Variants in LRP2 observed in about 807,000 individuals in gnomAD.
The protein encoded by LRP2 is low-density lipoprotein receptor-related protein 2.
Under a neutral mutation model 531.0 loss-of-function variants are expected in LRP2, and 172 were observed. The observed-to-expected ratio is 0.32, with a 90% CI of 0.29 to 0.37. The LOEUF (loss-of-function observed/expected upper bound fraction) is 0.37. LRP2 is among the 10% of genes least tolerant of loss of function. The pLI, the probability that LRP2 is intolerant of heterozygous loss-of-function variation, is 1.00. For synonymous variants in LRP2, 1,992 were observed against 2,027.6 expected, an observed-to-expected ratio of 0.98 and a Z score of 0.47; for missense variants, 5,167 against 5,868.3, an observed-to-expected ratio of 0.88 and a Z score of 3.90.
intron 16 of LRP2, among the ~76,000 whole-genome samples, chr2:169,268,327 T>G (rs988289526): frequency 3.9e-5 from 6 of 151,964 alleles, no homozygotes; most frequent in South Asian, 4.1e-4. Flanking sequence ...TAGACCAATA[T>G]CCCTGATGAA....
intron 1 of LRP2, among the ~76,000 whole-genome samples, chr2:169,346,435 A>G (rs1202163829): frequency 3.3e-5 from 5 of 152,254 alleles, no homozygotes. Context: ...CCTTGAAAAA[A>G]AAATGCAGAA....
Position 169,220,483 on chromosome 2 carries a change from T to A in LRP2, c.5619A>T (p.Pro1873=). The A allele has an allele frequency of 6.2e-7, 1 of 1,613,650 alleles. No individual in the cohort carries two copies. The highest frequency in any genetic ancestry group is 8.5e-7 in the Non-Finnish European group (1 of 1,179,672). ...NDGTALGVGF[P]IGITVDPARG... is the part of the protein sequence containing the mutation. ...GAGCAGGATCAACAGTTATGCCAAT[T>A]GGAAAGCCAACTCCAAGAGCTGTCC... The change falls in exon 34 of 79, where the codon CCA becomes CCT. Residue 1873 remains proline (P), a synonymous_variant. Transcript: ENST00000649046.
intron 67 of LRP2, among the ~76,000 whole-genome samples, chr2:169,152,577 C>T (rs1686183558): frequency 6.6e-6 from 1 of 152,066 alleles, no homozygotes; most frequent in Non-Finnish European, 1.5e-5. Context: ...CAATTTTTTT[C>T]ATGGCCCACA....
chr2:169,206,694 G>T lies in LRP2; in HGVS notation c.7026C>A (p.Asn2342Lys), dbSNP rs1688401561. The change falls in exon 39 of 79, where the codon AAC becomes AAA. Residue 2342 changes from asparagine to lysine, a missense_variant. By Grantham distance (94) the Asn-to-Lys change is moderately conservative. Coordinates refer to ENST00000649046, the MANE Select transcript of LRP2 (RefSeq NM_004525.3). The part of the protein sequence containing the change: ...QVQPRSPAEV[N>K]NNPCLENNGG... ...CATTGTTTTCCAAGCAAGGGTTGTT[G>T]TTGACCTCTGCTGGTGACCGGGGCT... The T allele has an allele frequency of 1.9e-6, 3 of 1,614,166 alleles. No homozygotes were observed. The highest frequency in any genetic ancestry group is 1.1e-5 in the South Asian group (1 of 91,078).
rs1240276466 is a variant in LRP2, at chr2:169,212,173, G to A, written c.6075C>T (p.Asn2025=). 6 of 1,614,040 alleles carry A rather than the reference G, an allele frequency of 3.7e-6. No homozygotes were observed. Among genetic ancestry groups the A allele is most frequent in the Non-Finnish European group, 5.1e-6 (6 of 1,179,936 alleles). ...GGCAAATCTGCTGACAGGCATTCAT[G>A]TTGTTGCTACAGCCATTTGAGGATT... The part of the protein sequence containing the change: ...AAESSNGCSN[N]MNACQQICLP... Residue 2025 remains asparagine, a synonymous_variant, in exon 37 of 79, where the codon AAC becomes AAT. Transcript: ENST00000649046.
intron 71 of LRP2, among the ~76,000 whole-genome samples, chr2:169,141,284 C>G (rs1408037941): frequency 2.0e-5 from 3 of 152,214 alleles, no homozygotes; most frequent in Non-Finnish European, 4.4e-5. Context: ...TGAACACTAT[C>G]TAAAGGACAA....
At position 169,191,859 on chromosome 2, in the gene LRP2, T is replaced by C; in HGVS notation, c.9005A>G (p.Tyr3002Cys). Residue 3002 changes from tyrosine (Y) to cysteine (C), a missense_variant, in exon 48 of 79, where the codon TAC (tyrosine) becomes TGC (cysteine). By Grantham distance (194) the Tyr-to-Cys change is radical (BLOSUM62 -2). Coordinates refer to ENST00000649046, the MANE Select transcript of LRP2 (RefSeq NM_004525.3). Reference protein sequence around the residue: ...TCSENEFTCGYGLCIPKIFRC... With the variant: ...TCSENEFTCGCGLCIPKIFRC... Reference sequence around the variant, plus strand: ...GAATATCTTTGGGATACACAGTCCGTAACCACAGGTGAATTCATTTTCAGA... The same window carrying C: ...GAATATCTTTGGGATACACAGTCCGCAACCACAGGTGAATTCATTTTCAGA... 2 of 1,614,128 alleles carry C rather than the reference T, an allele frequency of 1.2e-6. No homozygotes were observed. The highest frequency in any genetic ancestry group is 2.2e-5 in the East Asian group (1 of 44,870).
At chr2:169,232,905 G>A (rs1455496842) in intron 30 of LRP2, among the ~76,000 whole-genome samples, 1 of 152,208 alleles carries the variant, frequency 6.6e-6, no homozygotes, top group South Asian at 2.1e-4. Flanking sequence ...TGAAGATTAA[G>A]TGACTTATCT....
intron 3 of LRP2, among the ~76,000 whole-genome samples, chr2:169,315,035 T>A (rs1050757705): frequency 1.3e-5 from 2 of 152,194 alleles, no homozygotes; most frequent in African/African-American, 2.4e-5. Context: ...CCCAAATAAT[T>A]CTAAATGTTG....
At chr2:169,346,495 A>T (rs1685700398) in intron 1 of LRP2, among the ~76,000 whole-genome samples, 1 of 152,184 alleles carries the variant, frequency 6.6e-6, no homozygotes, top group Non-Finnish European at 1.5e-5. Flanking sequence ...GGACATGTGT[A>T]TATTCAATTT....
intron 1 of LRP2, among the ~76,000 whole-genome samples, chr2:169,334,516 T>C (rs1685350551): frequency 6.6e-6 from 1 of 152,114 alleles, no homozygotes; most frequent in Non-Finnish European, 1.5e-5. Context: ...TCCATAGGCA[T>C]TATAATAATT....
At chr2:169,172,272 A>T (rs1041889995) in intron 57 of LRP2, 138 bp from the exon 58 acceptor site, 1 of 968,322 alleles carries the variant, frequency 1.0e-6, no homozygotes, top group Non-Finnish European at 1.6e-6. Context: ...TGCCAGCAAC[A>T]TTCATGGTCA....
At chr2:169,313,586 G>A (rs1307567161) in intron 3 of LRP2, among the ~76,000 whole-genome samples, 1 of 152,158 alleles carries the variant, frequency 6.6e-6, no homozygotes, top group African/African-American at 2.4e-5. Context: ...CGTCTCAGAG[G>A]GGCACCTGGC....
Position 169,202,771 on chromosome 2 carries a change from T to C in LRP2, c.8194A>G (p.Met2732Val), listed in dbSNP as rs748617442. The C allele has an allele frequency of 2.5e-6, 4 of 1,614,118 alleles. No homozygotes were observed. The highest frequency in any genetic ancestry group is 3.4e-6 in the Non-Finnish European group (4 of 1,180,016). Reference sequence around the variant, plus strand: ...TCCAACTCACCACAGACACTTTCCATCTCATCACTGCCATCCCCACAGTCG... The same window carrying C: ...TCCAACTCACCACAGACACTTTCCACCTCATCACTGCCATCCCCACAGTCG... ...DNDCGDGSDE[M>V]ESVCALHTCS... Residue 2732 changes from methionine (M) to valine (V), a missense_variant, in exon 43 of 79, where the codon ATG becomes GTG. Transcript: ENST00000649046.
At chr2:169,265,157 T>G (rs1238964360) in intron 16 of LRP2, among the ~76,000 whole-genome samples, 1 of 151,904 alleles carries the variant, frequency 6.6e-6, no homozygotes, top group Non-Finnish European at 1.5e-5. Flanking sequence ...AATGAAGGCA[T>G]CTATGGAGGA....
intron 29 of LRP2, among the ~76,000 whole-genome samples, chr2:169,234,087 A>G (rs544560747): frequency 1.3e-5 from 2 of 152,180 alleles, no homozygotes; most frequent in Admixed American, 6.5e-5. Context: ...AGTCACAGCA[A>G]CTATACAATA....
chr2:169,171,377 A>G (rs923072422), intron 58 of LRP2, among the ~76,000 whole-genome samples: 2 of 152,162 alleles, frequency 1.3e-5, no homozygotes, highest in African/African-American at 2.4e-5. Context: ...CAGAACACAC[A>G]TTGAGTGTGT....
rs778810936 is a variant in LRP2 at position 169,246,996 on chromosome 2, C to T, written c.2909-10G>A. ...TTACAGGCGTTAGAACCTGCAAAAG[C>T]AAAGCCCCGAGGGAGTCAGTCATGT... On this transcript the variant is annotated splice_polypyrimidine_tract_variant and intron_variant, in intron 20 of 78. Coordinates refer to ENST00000649046, the MANE Select transcript of LRP2 (RefSeq NM_004525.3). 9 of 1,613,772 alleles carry T rather than the reference C, an allele frequency of 5.6e-6. No homozygotes were observed. In the East Asian group the frequency reaches 1.8e-4, roughly 32 times the overall value.
At position 169,185,858 on chromosome 2, in the gene LRP2, T is replaced by C. The variant is rs768628590; in HGVS notation, c.9490A>G (p.Ser3164Gly). The C allele has an allele frequency of 6.2e-7, 1 of 1,614,054 alleles. No homozygotes were observed. Among genetic ancestry groups the C allele is most frequent in the Admixed American group, 1.7e-5 (1 of 60,004 alleles). ...DECTEMPFVC[S>G]QKCENVIGSY... ...CCTATTACATTCTCACACTTCTGGC[T>C]ACAGACAAAAGGCATCTCTGTGCAT... The change falls in exon 50 of 79, where the codon AGC (serine) becomes GGC (glycine). Residue 3164 changes from serine to glycine, a missense_variant. Ser to Gly is a moderately conservative substitution (Grantham distance 56). Around this residue, in one of 6 missense-constraint regions of LRP2, gnomAD observed 1,129 missense variants for 1,362.7 expected, o/e 0.83. Coordinates refer to ENST00000649046, the MANE Select transcript of LRP2 (RefSeq NM_004525.3).
Sources: gnomAD v4.1 joint callset for allele counts (sites outside exome capture counted in the v4.1 genomes callset) on GRCh38, gnomAD v4.1.1 for gene constraint, gnomAD v4.1.1 regional missense constraint, MANE v1.5 for transcripts, NCBI Gene and HGNC (gene_info 2026-07-23, HGNC 2026-07-21) for gene names.